The following EHD3 variants were observed in gnomAD, a reference collection of about 807,000 sequenced individuals.
EHD3 encodes EH domain-containing protein 3.
Under a neutral mutation model 43.0 loss-of-function variants are expected in EHD3, and 17 were observed. The ratio of observed to expected loss-of-function variants is 0.40; its 90% CI spans 0.27 to 0.59. The LOEUF is 0.59. Ranked by LOEUF, EHD3 falls within the 20% of genes least tolerant of loss-of-function variation. The pLI is 0.49. For missense variants in EHD3, 594 were observed against 705.6 expected (o/e 0.84, Z 1.79); for synonymous variants, 313 against 289.5 (o/e 1.08, Z -0.82).
At position 31,260,470 on chromosome 2, in the gene EHD3, C is replaced by T; in HGVS notation, c.503-40C>T. ...TGCTTCTCCAAACCCCTACCCTATA[C>T]CCCAAAGGCCCCAGCCCCTGATTGT... On this transcript the variant is annotated intron_variant, in intron 3 of 5. Coordinates refer to ENST00000322054, the MANE Select transcript of EHD3 (RefSeq NM_014600.3). This position sits in a 1 kb window ranked among gnomAD's most constrained non-coding sequence, Gnocchi z 4.6. 1 of 1,557,734 alleles carries T rather than the reference C, an allele frequency of 6.4e-7. No homozygotes were observed. The highest frequency in any genetic ancestry group is 8.7e-7 in the Non-Finnish European group (1 of 1,148,614).
intron 3 of EHD3, among the ~76,000 whole-genome samples, chr2:31,257,758 C>T (rs963569135): frequency 1.8e-4 from 27 of 152,102 alleles, no homozygotes; most frequent in Non-Finnish European, 3.5e-4. Flanking sequence ...TGAACATCTC[C>T]GAGGGAGGGT....
At chr2:31,261,844 G>GA in intron 5 of EHD3, 131 bp downstream of exon 5, 1 of 996,780 alleles carries the variant, frequency 1.0e-6, no homozygotes, top group Non-Finnish European at 1.4e-6. Context: ...GCAAGGAGGT[G>GA]GCCCTGGATC....
In EHD3 at chr2:31,266,793, C is replaced by CACACAA; in HGVS notation, c.*90_*91insCACAAA. The CACACAA allele has an allele frequency of 8.0e-7, 1 of 1,245,908 alleles. No homozygotes were observed. The highest frequency in any genetic ancestry group is 1.1e-6 in the Non-Finnish European group (1 of 910,934). The allele number at this position is 1,245,908 out of a possible 1,614,324, so 77.2% of individuals were successfully genotyped here. A position where few individuals can be genotyped will look rare whatever the true frequency, so the allele number is the denominator to read the frequency against. The stretch of plus-strand genomic sequence containing the variant: ...ACACACACACACACACACACACACA[C>CACACAA]AAACATGCACACACACATATGCATA... On this transcript the variant is annotated 3_prime_UTR_variant, in exon 6 of 6. Coordinates refer to ENST00000322054, the MANE Select transcript of EHD3 (RefSeq NM_014600.3). The surrounding 1 kb of genome is among the most constrained non-coding windows in gnomAD (Gnocchi z 5.1).
In EHD3 at chr2:31,266,731, A is replaced by G; in HGVS notation, c.*27A>G. The stretch of plus-strand genomic sequence containing the variant: ...GGGGTGGGGGGACATTCAGACGGGC[A>G]GTGTTAGAGGAGGAGATGGGAGCGG... On this transcript the variant is annotated 3_prime_UTR_variant, in exon 6 of 6. Transcript: ENST00000322054. This position sits in a 1 kb window ranked among gnomAD's most constrained non-coding sequence, Gnocchi z 5.1. The G allele has an allele frequency of 6.4e-7, 1 of 1,566,276 alleles. No individual in the cohort carries two copies. The highest frequency in any genetic ancestry group is 2.2e-5 in the East Asian group (1 of 44,502).
At chr2:31,261,735 A>G (rs751553700) in intron 5 of EHD3, 22 bp downstream of exon 5, 2 of 1,612,320 alleles carry the variant, frequency 1.2e-6, no homozygotes, top group African/African-American at 2.7e-5. Context: ...TGGGGTCTCT[A>G]AGACAAGGGA....
chr2:31,257,721 TGA>T (rs2148722142), intron 3 of EHD3, among the ~76,000 whole-genome samples: 1 of 152,306 alleles, frequency 6.6e-6, no homozygotes, highest in East Asian at 1.9e-4. Context: ...TGGTATTGGC[TGA>T]GTCACTTAAC....
intron 3 of EHD3, among the ~76,000 whole-genome samples, chr2:31,254,514 A>G (rs77814616): frequency 3.9e-5 from 6 of 152,256 alleles, no homozygotes; most frequent in Admixed American, 3.9e-4. Context: ...ACTTCTGGGA[A>G]GCATCTAATG....
rs1242089671 is a variant in EHD3 at position 31,266,948 on chromosome 2, T to C, written c.*244T>C. ...ACTCCCAGGCCCCAGAGTCTAAGCC[T>C]AAGTCTCTATCGCTCTTCCCCTCTC... is the stretch of plus-strand genomic sequence containing the variant. On this transcript the variant is annotated 3_prime_UTR_variant, in exon 6 of 6. Coordinates refer to ENST00000322054, the MANE Select transcript of EHD3 (RefSeq NM_014600.3). The surrounding 1 kb of genome is among the most constrained non-coding windows in gnomAD (Gnocchi z 5.1). 1 of 522,772 alleles carries C rather than the reference T, an allele frequency of 1.9e-6. No individual in the cohort carries two copies. The highest frequency in any genetic ancestry group is 3.4e-6 in the Non-Finnish European group (1 of 298,076). 32.4% of individuals were successfully genotyped at this position (522,772 alleles called of 1,614,324 possible).
intron 3 of EHD3, among the ~76,000 whole-genome samples, chr2:31,253,152 G>A (rs184759620): frequency 6.1e-3 from 368 of 60,042 alleles, no homozygotes; most frequent in African/African-American, 0.024. Context: ...CTCCTTTTAC[G>A]CACACACCCA....
intron 3 of EHD3, among the ~76,000 whole-genome samples, chr2:31,257,594 C>T (rs183108654): frequency 5.3e-4 from 81 of 152,276 alleles, no homozygotes; most frequent in African/African-American, 1.9e-3. Context: ...CGATACTCCT[C>T]GCGCTGCCTG....
At chr2:31,264,079 TGC>T (rs1184770316) in intron 5 of EHD3, among the ~76,000 whole-genome samples, 8 of 152,262 alleles carry the variant, frequency 5.3e-5, no homozygotes, top group African/African-American at 1.4e-4. Context: ...TCCTCAGTAA[TGC>T]ATTGTTAGGT....
chr2:31,237,851 A>T (rs1027604083), intron 1 of EHD3, among the ~76,000 whole-genome samples: 5 of 152,206 alleles, frequency 3.3e-5, no homozygotes, highest in African/African-American at 1.2e-4. Flanking sequence ...ACAGCTGCAT[A>T]CTATTCCATT....
rs1384188978 is a variant in EHD3 at position 31,267,082 on chromosome 2, G to C, written c.*378G>C. 2 of 199,124 alleles carry C rather than the reference G, an allele frequency of 1.0e-5. No homozygotes were observed. Among genetic ancestry groups the C allele is most frequent in the Non-Finnish European group, 1.0e-5 (1 of 98,620 alleles). The allele number at this position is 199,124 out of a possible 1,614,324, so 12.3% of individuals were successfully genotyped here. A position where few individuals can be genotyped will look rare whatever the true frequency, so the allele number is the denominator to read the frequency against. ...TCCACACCCGGGCTCTGAGCAAATG[G>C]AAAAGACTTTTCATTTAGTAGACAA... On this transcript the variant is annotated 3_prime_UTR_variant, in exon 6 of 6. Transcript: ENST00000322054.
At chr2:31,242,438 C>G (rs1213800246) in intron 1 of EHD3, among the ~76,000 whole-genome samples, 1 of 152,190 alleles carries the variant, frequency 6.6e-6, no homozygotes, top group African/African-American at 2.4e-5. Context: ...AAACATAGCA[C>G]AATTATAATC....
At chr2:31,263,034 C>G (rs1169830587) in intron 5 of EHD3, among the ~76,000 whole-genome samples, 1 of 152,178 alleles carries the variant, frequency 6.6e-6, no homozygotes, top group East Asian at 1.9e-4. Flanking sequence ...CAGTTTAAAT[C>G]TAGGTTTTTC....
In EHD3 at chr2:31,260,803, G is replaced by C. The variant is rs1683838756; in HGVS notation, c.796G>C (p.Asp266His). Residue 266 changes from aspartate to histidine, a missense_variant, in exon 4 of 6, where the codon GAC becomes CAC. Transcript: ENST00000322054. The surrounding 1 kb of genome is among the most constrained non-coding windows in gnomAD (Gnocchi z 4.6). ...SFWSHPLLIPDNRKLFEAEEQ... is the reference protein window; with the variant it reads ...SFWSHPLLIPHNRKLFEAEEQ... ...CTGGTCCCACCCCCTCCTCATCCCT[G>C]ACAACCGGAAGCTCTTTGAGGCTGA... 6.2e-7 allele frequency: 1 copy of C among 1,614,154 alleles called. No individual in the cohort carries two copies. The highest frequency in any genetic ancestry group is 8.5e-7 in the Non-Finnish European group (1 of 1,180,026).
chr2:31,254,219 G>T (rs566918027), intron 3 of EHD3, among the ~76,000 whole-genome samples: 2 of 152,146 alleles, frequency 1.3e-5, no homozygotes, highest in South Asian at 2.1e-4. Context: ...AAGAGCACAG[G>T]GGGTAGGAAT....
intron 4 of EHD3, 52 bp from the exon 5 acceptor site, chr2:31,261,497 G>C: frequency 6.3e-7 from 1 of 1,596,754 alleles, no homozygotes; most frequent in Non-Finnish European, 8.6e-7. Context: ...CTAGAAGGAA[G>C]GGACCGTCCA....
intron 1 of EHD3, among the ~76,000 whole-genome samples, chr2:31,239,375 A>C (rs1056738630): frequency 2.6e-5 from 4 of 152,138 alleles, no homozygotes; most frequent in African/African-American, 9.7e-5. Context: ...CTGGGTGAAA[A>C]TCCACCTGCT....
Sources: allele counts gnomAD v4.1 joint callset (sites outside exome capture counted in the v4.1 genomes callset), GRCh38; gene constraint gnomAD v4.1.1; non-coding constraint Gnocchi (gnomAD v3.1); transcripts MANE v1.5; gene names NCBI Gene and HGNC (gene_info 2026-07-23, HGNC 2026-07-21).